Variants in TAF9B observed in about 807,000 individuals in gnomAD.
The protein encoded by TAF9B is TATA-box binding protein associated factor 9b.
In TAF9B, 47 loss-of-function variants were observed where a neutral mutation model predicts 17.6. That is an observed-to-expected ratio of 2.68 (90% CI 2.12 to 3.41). TAF9B has a LOEUF of 3.41. Among genes scored for constraint, TAF9B ranks in the 30% most tolerant of loss-of-function variants. The pLI, the probability that TAF9B is intolerant of heterozygous loss-of-function variation, is 0.00. For missense variants in TAF9B, 218 were observed against 189.3 expected (o/e 1.15, Z -0.89); for synonymous variants, 84 against 68.7 (o/e 1.22, Z -1.10).
intron 4 of TAF9B, among the ~76,000 whole-genome samples, chrX:78,137,266 A>G (rs1421968169): frequency 8.9e-6 from 1 of 112,301 alleles, no homozygotes; most frequent in African/African-American, 3.2e-5. Context: ...GACTGTAACT[A>G]CTTTGTGATT....
At chrX:78,137,484 G>T (rs144644131) in intron 4 of TAF9B, among the ~76,000 whole-genome samples, 154 of 111,213 alleles carry the variant, frequency 1.4e-3, no homozygotes, top group African/African-American at 4.7e-3. Context: ...GGAAAGACTG[G>T]GAGTTATGAG....
intron 5 of TAF9B, among the ~76,000 whole-genome samples, chrX:78,135,168 C>G (rs948573545): frequency 1.9e-5 from 2 of 104,297 alleles, no homozygotes; most frequent in East Asian, 3.2e-4. Flanking sequence ...GGCCAGGCTG[C>G]TCTTGAACTC....
At chrX:78,134,413 A>T (rs1229257546) in intron 5 of TAF9B, among the ~76,000 whole-genome samples, 1 of 111,782 alleles carries the variant, frequency 8.9e-6, no homozygotes, top group Non-Finnish European at 1.9e-5. Flanking sequence ...AAGACTTAAT[A>T]TATATACTGA....
rs201863850 is a variant in TAF9B at position 78,132,610 on chromosome X, CTGTGTGTGTG to C, written c.592+718_592+727del. 1.2e-3 allele frequency among the ~76,000 whole-genome samples: 112 copies of C among 96,272 alleles called. No individual in the cohort carries two copies. The East Asian group carries it at 0.017, about 14-fold the overall frequency. 83.6% of individuals were successfully genotyped at this position (96,272 alleles called of 115,157 possible). A position where few individuals can be genotyped will look rare whatever the true frequency, so the allele number is the denominator to read the frequency against. ...GCTATGACAGAATTCTTATTCCAAT[CTGTGTGTGTG>C]TGTGTGTGTGTGTGTGTGTGTGTGT... On this transcript the variant is annotated intron_variant, in intron 6 of 6. Transcript: ENST00000341864.
intron 2 of TAF9B, among the ~76,000 whole-genome samples, chrX:78,138,633 C>G (rs2078443869): frequency 8.9e-6 from 1 of 112,364 alleles, no homozygotes; most frequent in Non-Finnish European, 1.9e-5. Context: ...TGGCAAGTGC[C>G]TGTAGTCCCA....
In TAF9B at chrX:78,131,668, T is replaced by C. The variant is rs782575694; in HGVS notation, c.698A>G (p.Asn233Ser). The change falls in exon 7 of 7, where the codon AAT becomes AGT. Residue 233 changes from asparagine (N) to serine (S), a missense_variant. By Grantham distance (46) the Asn-to-Ser change is conservative. Transcript: ENST00000341864. ...TTTTCTCTTCAGTGGGTTTGCTTCA[T>C]TGGCTGTGTTCTGTGACGAAACCAT... Reference protein sequence around the residue: ...TNMVSSQNTANEANPLKRKHE... With the variant: ...TNMVSSQNTASEANPLKRKHE... 5.8e-6 allele frequency: 7 copies of C among 1,209,302 alleles called. No individual in the cohort carries two copies. Among genetic ancestry groups the C allele is most frequent in the Non-Finnish European group, 6.7e-6 (6 of 894,600 alleles).
rs1156639773 is a variant in TAF9B, at chrX:78,130,274, A to G, written c.*1336T>C. On this transcript the variant is annotated 3_prime_UTR_variant, in exon 7 of 7. Transcript: ENST00000341864. ...TACGAACATTTATTTTACAAATTCTACAAAAGTATGTTGAACTTAAGAAAA... is the reference window on the plus strand; with the variant it reads ...TACGAACATTTATTTTACAAATTCTGCAAAAGTATGTTGAACTTAAGAAAA... 1.8e-5 allele frequency: 2 copies of G among 112,141 alleles called. No homozygotes were observed. The highest frequency in any genetic ancestry group is 6.5e-5 in the African/African-American group (2 of 30,762). 9.2% of individuals were successfully genotyped at this position (112,141 alleles called of 1,213,427 possible).
rs782287314 is a variant in TAF9B, at chrX:78,138,902, T to G, written c.74A>C (p.Asp25Ala). ...DALVMAQILK[D>A]MGITEYEPRV... ...TGGTTCATACTCTGTGATTCCCATA[T>G]CCTTCAGGATCTGTGCCATCACCTG... The change falls in exon 2 of 7, where the codon GAT becomes GCT. Residue 25 changes from aspartate to alanine, a missense_variant. Transcript: ENST00000341864. 1.3e-5 allele frequency: 16 copies of G among 1,202,738 alleles called. No individual in the cohort carries two copies. Among genetic ancestry groups the G allele is most frequent in the Non-Finnish European group, 1.8e-5 (16 of 889,393 alleles).
chrX:78,139,412 G>A, intron 1 of TAF9B, 149 bp downstream of exon 1: 1 of 855,455 alleles, frequency 1.2e-6, no homozygotes, highest in Non-Finnish European at 1.6e-6. Context: ...CGGGGGCCAG[G>A]GCGCATCCCC....
At chrX:78,138,769 G>A (rs2078444405) in intron 2 of TAF9B, 74 bp downstream of exon 2, 1 of 867,112 alleles carries the variant, frequency 1.2e-6, no homozygotes, top group South Asian at 2.1e-5. Context: ...GAAAATAAAA[G>A]AAAATGTTCT....
chrX:78,139,466 G>T (rs936649213), intron 1 of TAF9B, 95 bp downstream of exon 1: 10 of 1,140,551 alleles, frequency 8.8e-6, no homozygotes, highest in African/African-American at 1.8e-5. Context: ...TGAAACGAGC[G>T]TGCGAGCCGA....
At chrX:78,138,581 A>C (rs2078443654) in intron 2 of TAF9B, among the ~76,000 whole-genome samples, 1 of 111,896 alleles carries the variant, frequency 8.9e-6, no homozygotes, top group Non-Finnish European at 1.9e-5. Flanking sequence ...AATATGGCGA[A>C]ACTCCCTTTC....
rs1557250532 is a variant in TAF9B at position 78,139,584 on chromosome X, T to A, written c.28A>T (p.Lys10Ter). Reference protein sequence around the residue: MESGKMAPPKNAPRDALVMA... With the variant: MESGKMAPP ...ACCAAGGCATCTCTCGGAGCGTTCT[T>A]GGGAGGCGCCATCTTGCCCGACTCC... The change falls in exon 1 of 7, where the codon AAG (lysine) becomes TAG (stop). Residue 10 changes from lysine (K) to a stop codon, truncating the protein, a stop_gained. Transcript: ENST00000341864. LOFTEE classifies it high-confidence loss of function. 4 of 1,210,683 alleles carry A rather than the reference T, an allele frequency of 3.3e-6. No individual in the cohort carries two copies. Among genetic ancestry groups the A allele is most frequent in the African/African-American group, 1.7e-5 (1 of 57,465 alleles).
intron 6 of TAF9B, among the ~76,000 whole-genome samples, chrX:78,132,076 C>T (rs1557249567): frequency 1.8e-5 from 2 of 111,862 alleles, no homozygotes; most frequent in Non-Finnish European, 3.8e-5. Flanking sequence ...TCACTGCAAC[C>T]TCCGCCTCCT....
In TAF9B at chrX:78,132,879, G is replaced by A. The variant is rs1284693783; in HGVS notation, c.592+459C>T. ...TCCTCCCCAAAACGTTACATATATA[G>A]TAGTCCCCCCTTATCTGCAGTTTCA... On this transcript the variant is annotated intron_variant, in intron 6 of 6. Coordinates refer to ENST00000341864, the MANE Select transcript of TAF9B (RefSeq NM_015975.5). 2.7e-5 allele frequency among the ~76,000 whole-genome samples: 3 copies of A among 110,193 alleles called. No individual in the cohort carries two copies. The Admixed American group carries it at 2.9e-4, about 11-fold the overall frequency.
intron 5 of TAF9B, among the ~76,000 whole-genome samples, chrX:78,136,128 C>T (rs1280784069): frequency 5.4e-5 from 6 of 110,525 alleles, no homozygotes; most frequent in Non-Finnish European, 9.5e-5. Context: ...ACTTTGAATA[C>T]TAGACTATGC....
intron 5 of TAF9B, among the ~76,000 whole-genome samples, chrX:78,135,430 C>A (rs1429504736): frequency 1.1e-4 from 10 of 91,877 alleles, no homozygotes; most frequent in South Asian, 5.3e-4. Context: ...AAAAAAAAAA[C>A]ACAAAAAAAC....
rs1408737596 is a variant in TAF9B, at chrX:78,130,123, CTA to C, written c.*1485_*1486del. ...TACCTTTCCCTAATACTGAAAAACA[CTA>C]AAACTGATACGAGACATTTGAGACA... On this transcript the variant is annotated 3_prime_UTR_variant, in exon 7 of 7. Coordinates refer to ENST00000341864, the MANE Select transcript of TAF9B (RefSeq NM_015975.5). 4 of 112,416 alleles carry C rather than the reference CTA, an allele frequency of 3.6e-5. No individual in the cohort carries two copies. Among genetic ancestry groups the C allele is most frequent in the Non-Finnish European group, 1.9e-5 (1 of 53,259 alleles). The allele number at this position is 112,416 out of a possible 1,213,427, so 9.3% of individuals were successfully genotyped here.
At chrX:78,132,374 T>G (rs1471733659) in intron 6 of TAF9B, among the ~76,000 whole-genome samples, 1 of 111,756 alleles carries the variant, frequency 8.9e-6, no homozygotes, top group African/African-American at 3.3e-5. Flanking sequence ...TAGTACAAGG[T>G]TGAAGAAGTT....
Sources: allele counts gnomAD v4.1 joint callset (sites outside exome capture counted in the v4.1 genomes callset), GRCh38; gene constraint gnomAD v4.1.1; transcripts MANE v1.5; gene names NCBI Gene and HGNC (gene_info 2026-07-23, HGNC 2026-07-21).